Variants in PRELID2 observed in about 807,000 individuals in gnomAD.
PRELID2 encodes PRELI domain-containing protein 2.
A neutral mutation model predicts 28.4 loss-of-function variants in PRELID2; 25 were observed. That is an observed-to-expected ratio of 0.88 (90% confidence interval 0.64 to 1.23). PRELID2 has a LOEUF of 1.23. Among genes scored for constraint, PRELID2 ranks in the 50% most tolerant of loss-of-function variants. The pLI, the probability that PRELID2 is intolerant of heterozygous loss-of-function variation, is 0.00. For synonymous variants in PRELID2, 76 were observed against 71.6 expected (o/e 1.06, Z -0.31); for missense variants, 201 against 214.4 (o/e 0.94, Z 0.39).
chr5:145,645,188 T>A (rs530177646), intron 1 of PRELID2, among the ~76,000 whole-genome samples: 28 of 152,266 alleles, frequency 1.8e-4, no homozygotes, highest in African/African-American at 6.5e-4. Flanking sequence ...GCTTTATGAA[T>A]CTGGGTGCAC....
the PRELID2 span, among the ~76,000 whole-genome samples, chr5:145,447,577 C>T: frequency 1.5e-5 from 2 of 132,454 alleles, no homozygotes; most frequent in Non-Finnish European, 3.2e-5. Flanking sequence ...CCCACTAACT[C>T]GTCATCTAGC....
intron 4 of PRELID2, among the ~76,000 whole-genome samples, chr5:145,800,710 A>G (rs944267106): frequency 1.3e-5 from 2 of 152,150 alleles, no homozygotes; most frequent in African/African-American, 4.8e-5. Context: ...AGAATAACAG[A>G]GCAGTAAAGC....
At chr5:145,582,425 A>G (rs1753114949) in intron 1 of PRELID2, among the ~76,000 whole-genome samples, 1 of 151,922 alleles carries the variant, frequency 6.6e-6, no homozygotes, top group Non-Finnish European at 1.5e-5. Flanking sequence ...TTTACTCACT[A>G]TCACAAGAAC....
the PRELID2 span, among the ~76,000 whole-genome samples, chr5:145,255,721 T>C: frequency 6.6e-6 from 1 of 151,918 alleles, no homozygotes; most frequent in Non-Finnish European, 1.5e-5. Flanking sequence ...ATTGAATCTG[T>C]AGTAAGCCAT....
At chr5:145,510,353 A>G (rs1024323744) in intron 1 of PRELID2, among the ~76,000 whole-genome samples, 1 of 152,114 alleles carries the variant, frequency 6.6e-6, no homozygotes, top group Non-Finnish European at 1.5e-5. Flanking sequence ...CTCCATTGAC[A>G]TTGTTTTTTA....
the PRELID2 span, among the ~76,000 whole-genome samples, chr5:145,425,080 C>A: frequency 1.4e-5 from 2 of 139,218 alleles, no homozygotes; most frequent in African/African-American, 2.7e-5. Flanking sequence ...GAAAAAAAAA[C>A]ATTAAAAAGT....
At chr5:145,621,109 A>T (rs1362936833) in intron 1 of PRELID2, among the ~76,000 whole-genome samples, 1 of 152,266 alleles carries the variant, frequency 6.6e-6, no homozygotes, top group Non-Finnish European at 1.5e-5. Context: ...AAGACAATTT[A>T]AAAATTTGGC....
the PRELID2 span, among the ~76,000 whole-genome samples, chr5:145,238,346 GACATC>G: frequency 6.6e-6 from 1 of 152,204 alleles, no homozygotes; most frequent in South Asian, 2.1e-4. Flanking sequence ...AGGACTTGCT[GACATC>G]AATGCGGATG....
chr5:145,525,346 A>G (rs1234694217), intron 1 of PRELID2, among the ~76,000 whole-genome samples: 3 of 152,202 alleles, frequency 2.0e-5, no homozygotes, highest in East Asian at 3.9e-4. Flanking sequence ...AATCTGATAT[A>G]TGTATACACA....
intron 1 of PRELID2, among the ~76,000 whole-genome samples, chr5:145,662,560 A>C (rs1005353102): frequency 4.6e-5 from 7 of 152,174 alleles, no homozygotes; most frequent in African/African-American, 1.7e-4. Flanking sequence ...ATTGAGAGGT[A>C]GGGCTGTGAA....
chr5:145,665,315 A>T (rs138249267), intron 1 of PRELID2, among the ~76,000 whole-genome samples: 1 of 152,216 alleles, frequency 6.6e-6, no homozygotes, highest in African/African-American at 2.4e-5. Flanking sequence ...AATCATTGGC[A>T]ATCGCTGTCT....
chr5:145,817,201 AAATAAATAAATAAAAAAAAAT>A lies in PRELID2; in HGVS notation c.368+672_368+692del, dbSNP rs1561643611. ...GCAAGACTGCATTTCAAAAAAAAAT[AAATAAATAAATAAAAAAAAAT>A]ATATATATATATATACTTTAGATAA... On this transcript the variant is annotated intron_variant, in intron 4 of 6. Transcript: ENST00000683046. Among the ~76,000 whole-genome samples, 242 of 72,066 alleles carry A rather than the reference AAATAAATAAATAAAAAAAAAT, an allele frequency of 3.4e-3. 24 individuals carry two copies. Among genetic ancestry groups the A allele is most frequent in the Non-Finnish European group, 5.9e-3 (195 of 33,314 alleles). The allele number at this position is 72,066 out of a possible 152,430, so 47.3% of individuals were successfully genotyped here.
At chr5:145,259,417 C>A in the PRELID2 span, among the ~76,000 whole-genome samples, 1 of 152,128 alleles carries the variant, frequency 6.6e-6, no homozygotes, top group Non-Finnish European at 1.5e-5. Context: ...GGGGCTGAAC[C>A]CTACAAAGCC....
chr5:145,817,202 AATAAATAAAT>A (rs1754385664), intron 4 of PRELID2, among the ~76,000 whole-genome samples: 12 of 51,382 alleles, frequency 2.3e-4, no homozygotes, highest in East Asian at 4.2e-4. Context: ...AAAAAAAATA[AATAAATAAAT>A]AAAAAAAAAT....
chr5:145,316,470 C>G, the PRELID2 span, among the ~76,000 whole-genome samples: 1 of 152,200 alleles, frequency 6.6e-6, no homozygotes, highest in East Asian at 1.9e-4. Flanking sequence ...TAATCAATCC[C>G]TCAGTCATAC....
At chr5:145,644,421 G>A (rs1446728029) in intron 1 of PRELID2, among the ~76,000 whole-genome samples, 1 of 151,108 alleles carries the variant, frequency 6.6e-6, no homozygotes, top group Non-Finnish European at 1.5e-5. Context: ...TTATTAGTCT[G>A]GCTAGCAGTT....
chr5:145,742,328 A>AT (rs553094695), intron 1 of PRELID2, among the ~76,000 whole-genome samples: 11 of 137,728 alleles, frequency 8.0e-5, no homozygotes, highest in African/African-American at 1.3e-4. Flanking sequence ...AAATAGATAT[A>AT]TTTTTTTTTT....
At chr5:145,291,301 C>T in the PRELID2 span, among the ~76,000 whole-genome samples, 1 of 139,002 alleles carries the variant, frequency 7.2e-6, no homozygotes, top group Non-Finnish European at 1.5e-5. Flanking sequence ...TGCACTACTG[C>T]ACTCCAGCCT....
At chr5:145,422,063 T>C in the PRELID2 span, among the ~76,000 whole-genome samples, 347 of 141,064 alleles carry the variant, frequency 2.5e-3, 3 homozygotes, top group African/African-American at 8.8e-3. Flanking sequence ...TTCTTAATCC[T>C]GAGTTCTAGT....
Sources: gnomAD v4.1 joint callset for allele counts (sites outside exome capture counted in the v4.1 genomes callset) on GRCh38, gnomAD v4.1.1 for gene constraint, MANE v1.5 for transcripts, NCBI Gene and HGNC (gene_info 2026-07-23, HGNC 2026-07-21) for gene names.